TMC2: variants seen among roughly 807,000 people sequenced by gnomAD.
TMC2 encodes transmembrane channel like 2.
A neutral mutation model predicts 105.9 loss-of-function variants in TMC2; 102 were observed. The observed-to-expected ratio is 0.96, with a 90% CI of 0.82 to 1.14. The LOEUF (loss-of-function observed/expected upper bound fraction) is 1.14, where lower values mean the gene tolerates loss of function less well. Ranked by LOEUF, TMC2 falls within the 50% of genes most tolerant of loss-of-function variation. TMC2 has a pLI of 0.00. For synonymous variants in TMC2, 402 were observed against 422.8 expected (o/e 0.95, Z 0.60); for missense variants, 1,093 against 1,134.3 (o/e 0.96, Z 0.52).
rs556268577 is a variant in TMC2, at chr20:2,616,473, A to C, written c.1940+269A>C. Among the ~76,000 whole-genome samples, 6 of 151,844 alleles carry C rather than the reference A, an allele frequency of 4.0e-5. No individual in the cohort carries two copies. The highest frequency in any genetic ancestry group is 8.8e-5 in the Non-Finnish European group (6 of 67,948). ...AGGAAGGAAGGCAGGAGAGAAGGAG[A>C]AGAGGGAAGAAAAAGGGAAGAAGGA... On this transcript the variant is annotated intron_variant, in intron 15 of 19. Coordinates refer to ENST00000358864, the MANE Select transcript of TMC2 (RefSeq NM_080751.3). This position sits in a 1 kb window ranked among gnomAD's most constrained non-coding sequence, Gnocchi z 4.8.
rs1238265128 is a variant in TMC2 at position 2,643,155 on chromosome 20, A to G, written c.*1804A>G. On this transcript the variant is annotated 3_prime_UTR_variant, in exon 20 of 20. Coordinates refer to ENST00000358864, the MANE Select transcript of TMC2 (RefSeq NM_080751.3). ...CTGGCAAGGCTAACGAAGATGTTGC[A>G]ATGCCTGATTTCCATGGAACCCAGG... is the stretch of plus-strand genomic sequence containing the variant. Among the ~76,000 whole-genome samples the G allele has an allele frequency of 6.6e-6, 1 of 152,206 alleles. No individual in the cohort carries two copies. Among genetic ancestry groups the G allele is most frequent in the Non-Finnish European group, 1.5e-5 (1 of 68,038 alleles).
chr20:2,636,078 G>T, intron 18 of TMC2, 74 bp downstream of exon 18: 1 of 1,275,302 alleles, frequency 7.8e-7, no homozygotes, highest in Non-Finnish European at 1.1e-6. Context: ...TTTGCTGTGT[G>T]AGCCCAGCTG....
chr20:2,600,637 A>G lies in TMC2; in HGVS notation c.1225-1476A>G, dbSNP rs574641043. 3.3e-5 allele frequency among the ~76,000 whole-genome samples: 5 copies of G among 152,304 alleles called. No homozygotes were observed. The East Asian group carries it at 7.7e-4, about 24-fold the overall frequency. On this transcript the variant is annotated intron_variant, in intron 10 of 19. Coordinates refer to ENST00000358864, the MANE Select transcript of TMC2 (RefSeq NM_080751.3). ...AGAGATCGAGACCATCCTGGCTAAT[A>G]CAGTGAAACCCTGTCTCTACTAAAA...
At chr20:2,581,635 C>T (rs1454149247) in intron 7 of TMC2, among the ~76,000 whole-genome samples, 1 of 152,182 alleles carries the variant, frequency 6.6e-6, no homozygotes, top group Non-Finnish European at 1.5e-5. Context: ...TCTTGGCTTT[C>T]TTCTTGGAAG....
At chr20:2,607,277 C>A (rs1470569169) in intron 11 of TMC2, among the ~76,000 whole-genome samples, 4 of 152,146 alleles carry the variant, frequency 2.6e-5, no homozygotes, top group Admixed American at 6.5e-5. Context: ...TGGTGGCTTG[C>A]TGGATGAGAG....
At chr20:2,597,403 T>C (rs758938495) in intron 10 of TMC2, 105 bp downstream of exon 10, 10 of 1,217,684 alleles carry the variant, frequency 8.2e-6, no homozygotes, top group Admixed American at 7.0e-5. Flanking sequence ...CTCAAATAAT[T>C]TGTGGCAAGA....
At chr20:2,626,640 A>G (rs1248123750) in intron 17 of TMC2, among the ~76,000 whole-genome samples, 3 of 152,228 alleles carry the variant, frequency 2.0e-5, no homozygotes, top group African/African-American at 7.2e-5. Flanking sequence ...ATAGTTTGCT[A>G]TTGCTAGCTT....
At chr20:2,542,334 A>G (rs2085895411) in intron 2 of TMC2, among the ~76,000 whole-genome samples, 1 of 152,188 alleles carries the variant, frequency 6.6e-6, no homozygotes, top group African/African-American at 2.4e-5. Flanking sequence ...TAAGTTATGG[A>G]AGGTGACTAG....
At chr20:2,554,872 A>C (rs13043175) in intron 2 of TMC2, among the ~76,000 whole-genome samples, 27,206 of 152,102 alleles carry the variant, frequency 0.18, 2,558 homozygotes, top group African/African-American at 0.22. Context: ...ATTTTGGTGA[A>C]TGTTCCATAT....
intron 11 of TMC2, among the ~76,000 whole-genome samples, chr20:2,605,352 C>T (rs2086382200): frequency 1.3e-5 from 2 of 152,118 alleles, no homozygotes; most frequent in African/African-American, 4.8e-5. Flanking sequence ...TGTATTTGCT[C>T]ACCGTTCTGG....
intron 17 of TMC2, among the ~76,000 whole-genome samples, chr20:2,628,944 C>T (rs921134815): frequency 1.8e-4 from 27 of 151,744 alleles, no homozygotes; most frequent in Non-Finnish European, 1.5e-5. Flanking sequence ...CTACTAAAAA[C>T]ACAAAAAATT....
chr20:2,594,787 C>T (rs1256325907), intron 8 of TMC2, 38 bp from the exon 9 acceptor site: 4 of 1,604,658 alleles, frequency 2.5e-6, no homozygotes, highest in East Asian at 4.5e-5. Context: ...CAGCTCTGAG[C>T]TTACCAACCC....
intron 10 of TMC2, among the ~76,000 whole-genome samples, chr20:2,600,124 G>A (rs187325301): frequency 1.3e-5 from 2 of 152,314 alleles, no homozygotes; most frequent in Non-Finnish European, 2.9e-5. Flanking sequence ...TTTCCTCCAG[G>A]ATTGTGAGAG....
Position 2,637,470 on chromosome 20 carries a change from G to C in TMC2, c.2386-4G>C. The stretch of plus-strand genomic sequence containing the variant: ...CAGGACCAACAGTTCATTATTTCCT[G>C]CAGCTCCGTGAAGTTGAGAAGAGTC... On this transcript the variant is annotated splice_region_variant and splice_polypyrimidine_tract_variant and intron_variant, in intron 18 of 19. Coordinates refer to ENST00000358864, the MANE Select transcript of TMC2 (RefSeq NM_080751.3). 1 of 1,598,996 alleles carries C rather than the reference G, an allele frequency of 6.3e-7. No homozygotes were observed. The highest frequency in any genetic ancestry group is 8.6e-7 in the Non-Finnish European group (1 of 1,166,994).
At position 2,579,131 on chromosome 20, in the gene TMC2, C is replaced by T. The variant is rs780644162; in HGVS notation, c.646-15C>T. ...ACATGTTAAGGAACTGAGAGTTTTA[C>T]GTCTTTTATTTCAGAAATGGGTCAA... On this transcript the variant is annotated splice_polypyrimidine_tract_variant and intron_variant, in intron 5 of 19. Transcript: ENST00000358864. 2.1e-6 allele frequency: 3 copies of T among 1,428,448 alleles called. No homozygotes were observed. The highest frequency in any genetic ancestry group is 1.7e-4 in the Middle Eastern group (1 of 5,726). 88.5% of individuals were successfully genotyped at this position (1,428,448 alleles called of 1,614,324 possible).
At position 2,616,176 on chromosome 20, in the gene TMC2, G is replaced by T. The variant is rs1381346586; in HGVS notation, c.1912G>T (p.Gly638Cys). The change falls in exon 15 of 20, where the codon GGT becomes TGT. Residue 638 changes from glycine to cysteine, a missense_variant. Gly to Cys is a radical substitution (Grantham distance 159, BLOSUM62 -3). Coordinates refer to ENST00000358864, the MANE Select transcript of TMC2 (RefSeq NM_080751.3). The surrounding 1 kb of genome is among the most constrained non-coding windows in gnomAD (Gnocchi z 4.8). ...GTTTGATATTAGTGGAAATGTGCTG[G>T]GTTTGATCTTCAACCAAGGAATGAT... ...AEFDISGNVL[G>C]LIFNQGMIWM... 2 of 1,613,418 alleles carry T rather than the reference G, an allele frequency of 1.2e-6. No homozygotes were observed. The highest frequency in any genetic ancestry group is 1.7e-6 in the Non-Finnish European group (2 of 1,179,670).
intron 3 of TMC2, among the ~76,000 whole-genome samples, chr20:2,561,409 A>G (rs2086025074): frequency 6.6e-6 from 1 of 152,220 alleles, no homozygotes; most frequent in African/African-American, 2.4e-5. Flanking sequence ...ATGAACAGTG[A>G]CCTTTGAAGA....
At chr20:2,567,146 T>C (rs2086069909) in intron 4 of TMC2, among the ~76,000 whole-genome samples, 1 of 152,214 alleles carries the variant, frequency 6.6e-6, no homozygotes, top group Non-Finnish European at 1.5e-5. Flanking sequence ...CTTTTCCCCA[T>C]GGTTTCGGTG....
chr20:2,628,278 TAA>T (rs1294477496), intron 17 of TMC2, among the ~76,000 whole-genome samples: 1 of 152,214 alleles, frequency 6.6e-6, no homozygotes, highest in African/African-American at 2.4e-5. Flanking sequence ...TCAATATTTT[TAA>T]GTTTTCTTCA....
Sources: allele counts gnomAD v4.1 joint callset (sites outside exome capture counted in the v4.1 genomes callset), GRCh38; gene constraint gnomAD v4.1.1; non-coding constraint Gnocchi (gnomAD v3.1); transcripts MANE v1.5; gene names NCBI Gene and HGNC (gene_info 2026-07-23, HGNC 2026-07-21).